SEMA7A: variants seen among roughly 807,000 people sequenced by gnomAD.
SEMA7A encodes the protein semaphorin 7A (JohnMiltonHagen blood group), also known as semaphorin-7A.
A neutral mutation model predicts 67.5 loss-of-function variants in SEMA7A; 21 were observed. The ratio of observed to expected loss-of-function variants is 0.31; its 90% CI spans 0.22 to 0.45. The LOEUF (loss-of-function observed/expected upper bound fraction) is 0.45, where lower values mean the gene tolerates loss of function less well. Among genes scored for constraint, SEMA7A ranks in the 20% least tolerant of loss-of-function variants. The probability of loss-of-function intolerance (pLI) is 1.00; values close to 1 mark genes in which losing one functional copy is unlikely to be tolerated. For synonymous variants in SEMA7A, 364 were observed against 368.5 expected (o/e 0.99, Z 0.14); for missense variants, 774 against 908.6 (o/e 0.85, Z 1.90).
chr15:74,427,191 G>A (rs2061050761), intron 1 of SEMA7A: 14 of 983,858 alleles, frequency 1.4e-5, no homozygotes, highest in African/African-American at 1.7e-5. Flanking sequence ...CACCATCTTC[G>A]CTCAGATCAT....
intron 7 of SEMA7A, 149 bp downstream of exon 7, chr15:74,416,426 T>G (rs926009012): frequency 1.3e-6 from 1 of 795,644 alleles, no homozygotes; most frequent in Admixed American, 2.6e-5. Context: ...TGATGCTCCA[T>G]GCACACACAG....
chr15:74,433,853 C>A lies in SEMA7A; in HGVS notation c.66G>T (p.Pro22=), dbSNP rs953115880. The part of the protein sequence containing the change: ...SAPRARVPGP[P]ARLGLPLRLR... ...GCCGCAGCGGAAGCCCCAACCGAGC[C>A]GGCGGGCCAGGGACGCGGGCGCGCG... Residue 22 remains proline (P), a synonymous_variant, in exon 1 of 14, where the codon CCG becomes CCT. Transcript: ENST00000261918. 1 of 1,317,542 alleles carries A rather than the reference C, an allele frequency of 7.6e-7. No homozygotes were observed. The highest frequency in any genetic ancestry group is 9.6e-7 in the Non-Finnish European group (1 of 1,040,756). The allele number at this position is 1,317,542 out of a possible 1,614,324, so 81.6% of individuals were successfully genotyped here. A position where few individuals can be genotyped will look rare whatever the true frequency, so the allele number is the denominator to read the frequency against.
intron 1 of SEMA7A, 117 bp from the exon 2 acceptor site, chr15:74,419,069 G>T: frequency 8.3e-7 from 1 of 1,203,980 alleles, no homozygotes; most frequent in Non-Finnish European, 1.2e-6. Flanking sequence ...CTGGCAGGGC[G>T]TCAGACAAGC....
Position 74,414,888 on chromosome 15 carries a change from A to C in SEMA7A, c.1045T>G (p.Ser349Ala), listed in dbSNP as rs1163299438. ...LGDIDKVFRT[S>A]SLKGYHSSLP... ...CTTGAGTGGTAGCCCTTGAGTGAGGAGGTACGGAAGACCTTGTCAATGTCA... is the reference window on the plus strand; with the variant it reads ...CTTGAGTGGTAGCCCTTGAGTGAGGCGGTACGGAAGACCTTGTCAATGTCA... The change falls in exon 9 of 14, where the codon TCC (serine) becomes GCC (alanine). Residue 349 changes from serine to alanine, a missense_variant. Coordinates refer to ENST00000261918, the MANE Select transcript of SEMA7A (RefSeq NM_003612.5). This position sits in a 1 kb window ranked among gnomAD's most constrained non-coding sequence, Gnocchi z 4.1. 6.2e-7 allele frequency: 1 copy of C among 1,614,010 alleles called. No homozygotes were observed. The highest frequency in any genetic ancestry group is 1.3e-5 in the African/African-American group (1 of 74,890).
chr15:74,417,143 C>T (rs1229804123), intron 6 of SEMA7A, among the ~76,000 whole-genome samples, 192 bp downstream of exon 6: 1 of 152,150 alleles, frequency 6.6e-6, no homozygotes, highest in Non-Finnish European at 1.5e-5. Flanking sequence ...CTGGGCCCAT[C>T]CCACTGCTAT....
intron 1 of SEMA7A, among the ~76,000 whole-genome samples, chr15:74,419,964 T>C (rs547959962): frequency 6.6e-6 from 1 of 152,282 alleles, no homozygotes; most frequent in South Asian, 2.1e-4. Flanking sequence ...TGGCCTGTGG[T>C]TGTGCCCCCA....
At chr15:74,425,738 C>T (rs1298531781) in intron 1 of SEMA7A, among the ~76,000 whole-genome samples, 1 of 152,186 alleles carries the variant, frequency 6.6e-6, no homozygotes, top group Non-Finnish European at 1.5e-5. Context: ...ACCTTGACAC[C>T]GTTTCCAGCT....
Position 74,417,640 on chromosome 15 carries a change from T to A in SEMA7A, c.501A>T (p.Arg167Ser), listed in dbSNP as rs768141415. The change falls in exon 5 of 14, where the codon AGA becomes AGT. Residue 167 changes from arginine to serine, a missense_variant. Around this residue, in one of 2 missense-constraint regions of SEMA7A, gnomAD observed 347 missense variants for 353.2 expected, o/e 0.98. Transcript: ENST00000261918. Reference sequence around the variant, plus strand: ...CGTCCGGGCTGAAGGGGGCGTAGCCTCTCATCTCGCCAAGTGGCACCACAG... The same window carrying A: ...CGTCCGGGCTGAAGGGGGCGTAGCCACTCATCTCGCCAAGTGGCACCACAG... ...NGTVVPLGEM[R>S]GYAPFSPDEN... 13 of 1,612,468 alleles carry A rather than the reference T, an allele frequency of 8.1e-6. No homozygotes were observed. The highest frequency in any genetic ancestry group is 1.1e-5 in the Non-Finnish European group (13 of 1,179,904).
chr15:74,433,067 T>C (rs923684068), intron 1 of SEMA7A, among the ~76,000 whole-genome samples: 1 of 152,052 alleles, frequency 6.6e-6, no homozygotes, highest in Non-Finnish European at 1.5e-5. Flanking sequence ...CGATTTCTGG[T>C]GACAACTGCC....
At position 74,411,399 on chromosome 15, in the gene SEMA7A, G is replaced by A; in HGVS notation, c.1578-43C>T. ...AAAGAGGATCAGCAGATACAAGGCT[G>A]CAGACCTGACCCTCCTATCCTTACC... is the stretch of plus-strand genomic sequence containing the variant. On this transcript the variant is annotated intron_variant, in intron 12 of 13. Coordinates refer to ENST00000261918, the MANE Select transcript of SEMA7A (RefSeq NM_003612.5). The surrounding 1 kb of genome is among the most constrained non-coding windows in gnomAD (Gnocchi z 4.4). 1 of 1,605,514 alleles carries A rather than the reference G, an allele frequency of 6.2e-7. No homozygotes were observed. Among genetic ancestry groups the A allele is most frequent in the Non-Finnish European group, 8.5e-7 (1 of 1,174,648 alleles).
chr15:74,416,407 A>C (rs1270335197), intron 7 of SEMA7A, among the ~76,000 whole-genome samples, 168 bp downstream of exon 7: 2 of 152,074 alleles, frequency 1.3e-5, no homozygotes, highest in Non-Finnish European at 2.9e-5. Context: ...TTACCCACAC[A>C]CAGACACATG....
At chr15:74,426,802 G>A (rs2061047415) in intron 1 of SEMA7A, among the ~76,000 whole-genome samples, 1 of 152,164 alleles carries the variant, frequency 6.6e-6, no homozygotes, top group South Asian at 2.1e-4. Flanking sequence ...ATGCTCTGAA[G>A]CTGACCACAG....
At chr15:74,422,709 A>G (rs2061010617) in intron 1 of SEMA7A, among the ~76,000 whole-genome samples, 1 of 152,184 alleles carries the variant, frequency 6.6e-6, no homozygotes, top group African/African-American at 2.4e-5. Context: ...CATTGGAAAG[A>G]ATGGGGCCTG....
chr15:74,432,344 C>T (rs2061095589), intron 1 of SEMA7A, among the ~76,000 whole-genome samples: 2 of 152,156 alleles, frequency 1.3e-5, no homozygotes, highest in South Asian at 4.1e-4. Context: ...GTACAGGCGG[C>T]CGGAGCTCTA....
intron 6 of SEMA7A, 26 bp from the exon 7 acceptor site, chr15:74,416,740 G>C (rs377045764): frequency 1.9e-6 from 3 of 1,609,988 alleles, no homozygotes; most frequent in Non-Finnish European, 2.5e-6. Context: ...GCGAGTGGGC[G>C]TAAGGCTGGG....
chr15:74,419,696 C>T (rs577199924), intron 1 of SEMA7A, among the ~76,000 whole-genome samples: 148 of 152,326 alleles, frequency 9.7e-4, no homozygotes, highest in African/African-American at 3.2e-3. Flanking sequence ...GGACTCTATT[C>T]CATGGCCCAC....
At position 74,417,974 on chromosome 15, in the gene SEMA7A, C is replaced by T. The variant is rs1371858159; in HGVS notation, c.373-5G>A. 1 of 1,612,690 alleles carries T rather than the reference C, an allele frequency of 6.2e-7. No homozygotes were observed. Among genetic ancestry groups the T allele is most frequent in the Non-Finnish European group, 8.5e-7 (1 of 1,179,870 alleles). ...AGTGATGTAGTTCTCGCAGTCCTGC[C>T]CGGGGAAGAGAGAAGGGAGGAGAGA... On this transcript the variant is annotated splice_polypyrimidine_tract_variant and splice_region_variant and intron_variant, in intron 3 of 13. Coordinates refer to ENST00000261918, the MANE Select transcript of SEMA7A (RefSeq NM_003612.5).
intron 1 of SEMA7A, chr15:74,427,213 G>A (rs1051421526): frequency 1.3e-5 from 13 of 985,242 alleles, no homozygotes; most frequent in African/African-American, 1.7e-5. Context: ...CTGTCTGATG[G>A]GATTTCATCT....
In SEMA7A at chr15:74,411,360, G is replaced by A; in HGVS notation, c.1578-4C>T. ...ATTAATGGATTGCAGCACTGACCTG[G>A]AGTGGGAAGGACGAAAGAGGATCAG... On this transcript the variant is annotated splice_region_variant and splice_polypyrimidine_tract_variant and intron_variant, in intron 12 of 13. Transcript: ENST00000261918. The surrounding 1 kb of genome is among the most constrained non-coding windows in gnomAD (Gnocchi z 4.4). 1.2e-6 allele frequency: 2 copies of A among 1,613,890 alleles called. No homozygotes were observed. Among genetic ancestry groups the A allele is most frequent in the African/African-American group, 1.3e-5 (1 of 75,038 alleles).
Sources: allele counts gnomAD v4.1 joint callset (sites outside exome capture counted in the v4.1 genomes callset), GRCh38; gene constraint gnomAD v4.1.1; regional missense constraint gnomAD v4.1.1; non-coding constraint Gnocchi (gnomAD v3.1); transcripts MANE v1.5; gene names NCBI Gene and HGNC (gene_info 2026-07-23, HGNC 2026-07-21).